Variants in CDH12 observed in about 807,000 individuals in gnomAD.
CDH12 encodes cadherin 12.
Under a neutral mutation model 74.1 loss-of-function variants are expected in CDH12, and 41 were observed. That is an observed-to-expected ratio of 0.55 (90% CI 0.43 to 0.72). The LOEUF is 0.72. Ranked by LOEUF, CDH12 falls within the 30% of genes least tolerant of loss-of-function variation. CDH12 has a pLI of 0.00. For synonymous variants in CDH12, 399 were observed against 355.0 expected (o/e 1.12, Z -1.39); for missense variants, 945 against 977.2 (o/e 0.97, Z 0.44).
chr5:22,526,713 A>G (rs555654651), intron 1 of CDH12, among the ~76,000 whole-genome samples: 2 of 152,252 alleles, frequency 1.3e-5, no homozygotes, highest in South Asian at 4.1e-4. Context: ...TCACTCCTCT[A>G]CATCTGTAAG....
At chr5:22,743,283 T>TATATATATATAC (rs1560998758) in intron 1 of CDH12, among the ~76,000 whole-genome samples, 1 of 139,578 alleles carries the variant, frequency 7.2e-6, no homozygotes, top group African/African-American at 2.6e-5. Context: ...TATATATATG[T>TATATATATATAC]ATATATATGT....
At chr5:22,145,828 G>T (rs934916759) in intron 4 of CDH12, among the ~76,000 whole-genome samples, 11 of 152,066 alleles carry the variant, frequency 7.2e-5, no homozygotes, top group Non-Finnish European at 1.6e-4. Context: ...TCACAGATGA[G>T]TAGAGAAAGA....
At chr5:22,038,311 C>T (rs1043337416) in intron 5 of CDH12, among the ~76,000 whole-genome samples, 3 of 152,134 alleles carry the variant, frequency 2.0e-5, no homozygotes, top group African/African-American at 7.2e-5. Flanking sequence ...GCCAAGCATC[C>T]CTGGAGCCAC....
intron 1 of CDH12, among the ~76,000 whole-genome samples, chr5:22,530,684 T>C (rs1261553483): frequency 1.3e-5 from 2 of 152,066 alleles, no homozygotes; most frequent in African/African-American, 4.8e-5. Flanking sequence ...AGTTTTATCA[T>C]TGGTAACAAG....
intron 6 of CDH12, among the ~76,000 whole-genome samples, chr5:21,872,774 TAA>T (rs1207235017): frequency 6.8e-6 from 1 of 146,478 alleles, no homozygotes; most frequent in Admixed American, 7.0e-5. Context: ...TCTGCCATGT[TAA>T]GAGTAAGATC....
At chr5:21,824,972 G>A (rs13176466) in intron 8 of CDH12, among the ~76,000 whole-genome samples, 90,604 of 151,744 alleles carry the variant, frequency 0.6, 29,484 homozygotes, top group Non-Finnish European at 0.73. Flanking sequence ...TGGCCAACAT[G>A]GTGAAACTCC....
chr5:22,443,827 T>A (rs1744716326), intron 2 of CDH12, among the ~76,000 whole-genome samples: 1 of 152,104 alleles, frequency 6.6e-6, no homozygotes, highest in African/African-American at 2.4e-5. Context: ...ATAAACAAAC[T>A]TTTTCTTACA....
intron 6 of CDH12, among the ~76,000 whole-genome samples, chr5:21,914,863 TGAAA>T (rs1325843061): frequency 6.6e-6 from 1 of 152,204 alleles, no homozygotes; most frequent in Admixed American, 6.5e-5. Context: ...AATCATCACA[TGAAA>T]TGCCAAGTTG....
chr5:22,808,027 T>C (rs1748908653), intron 1 of CDH12, among the ~76,000 whole-genome samples: 1 of 152,244 alleles, frequency 6.6e-6, no homozygotes, highest in Non-Finnish European at 1.5e-5. Context: ...CATTATAATC[T>C]TATGGGACCA....
chr5:22,618,124 C>T (rs1273263930), intron 1 of CDH12, among the ~76,000 whole-genome samples: 2 of 152,032 alleles, frequency 1.3e-5, no homozygotes, highest in African/African-American at 4.8e-5. Context: ...ATGACATAGA[C>T]TCTTTTTAAG....
At chr5:22,627,791 C>T (rs1291731564) in intron 1 of CDH12, among the ~76,000 whole-genome samples, 1 of 151,968 alleles carries the variant, frequency 6.6e-6, no homozygotes, top group African/African-American at 2.4e-5. Context: ...CACAGAGGGG[C>T]AAGTTGGATA....
chr5:22,139,515 G>A (rs893376849), intron 4 of CDH12: 1 of 134,212 alleles, frequency 7.5e-6, no homozygotes, highest in Admixed American at 7.7e-5. Context: ...AAAAATGTAT[G>A]GTAAACTGTC....
At chr5:22,034,757 G>T (rs920985073) in intron 5 of CDH12, among the ~76,000 whole-genome samples, 1 of 152,190 alleles carries the variant, frequency 6.6e-6, no homozygotes, top group East Asian at 1.9e-4. Flanking sequence ...GCCAATTATC[G>T]AAATAATGAA....
intron 5 of CDH12, among the ~76,000 whole-genome samples, chr5:22,019,472 G>A (rs561631123): frequency 6.6e-6 from 1 of 152,288 alleles, no homozygotes; most frequent in African/African-American, 2.4e-5. Flanking sequence ...GTGGGGCTCT[G>A]AGAAGGTGAT....
intron 1 of CDH12, among the ~76,000 whole-genome samples, chr5:22,549,737 C>T (rs1738486128): frequency 6.6e-6 from 1 of 152,144 alleles, no homozygotes; most frequent in African/African-American, 2.4e-5. Flanking sequence ...CAAGGATCCA[C>T]TGTGAGATAA....
chr5:22,553,375 T>C (rs2126737097), intron 1 of CDH12, among the ~76,000 whole-genome samples: 1 of 152,248 alleles, frequency 6.6e-6, no homozygotes, highest in East Asian at 1.9e-4. Flanking sequence ...CAACCACTAT[T>C]TTATTTCAGT....
At chr5:22,743,563 G>A (rs1271354017) in intron 1 of CDH12, among the ~76,000 whole-genome samples, 1 of 151,898 alleles carries the variant, frequency 6.6e-6, no homozygotes, top group South Asian at 2.1e-4. Flanking sequence ...GTCTGTACAG[G>A]TGAATATTTT....
chr5:22,288,173 C>G (rs543051511), intron 3 of CDH12, among the ~76,000 whole-genome samples: 1 of 152,228 alleles, frequency 6.6e-6, no homozygotes, highest in African/African-American at 2.4e-5. Context: ...CTGGCTCTTT[C>G]AGAAGATATG....
intron 1 of CDH12, among the ~76,000 whole-genome samples, chr5:22,663,349 T>C (rs953845983): frequency 5.3e-5 from 8 of 152,170 alleles, no homozygotes; most frequent in Non-Finnish European, 1.0e-4. Context: ...ATTTTACAAA[T>C]GAAGCAGCTA....
Sources: allele counts gnomAD v4.1 joint callset (sites outside exome capture counted in the v4.1 genomes callset), GRCh38; gene constraint gnomAD v4.1.1; transcripts MANE v1.5; gene names NCBI Gene and HGNC (gene_info 2026-07-23, HGNC 2026-07-21).